SERPINB11: variants seen among roughly 807,000 people sequenced by gnomAD.
SERPINB11 encodes serpin B11.
Under a neutral mutation model 36.7 loss-of-function variants are expected in SERPINB11, and 32 were observed. The observed-to-expected ratio is 0.87, with a 90% CI of 0.66 to 1.17. The LOEUF (loss-of-function observed/expected upper bound fraction) is 1.17. Among genes scored for constraint, SERPINB11 ranks in the 50% most tolerant of loss-of-function variants. The probability of loss-of-function intolerance (pLI) is 0.00; values close to 1 mark genes in which losing one functional copy is unlikely to be tolerated. For missense variants in SERPINB11, 528 were observed against 458.4 expected, an observed-to-expected ratio of 1.15 and a Z score of -1.39; for synonymous variants, 174 against 168.1, an observed-to-expected ratio of 1.04 and a Z score of -0.27.
chr18:63,704,781 T>C (rs1914328228), intron 1 of SERPINB11, among the ~76,000 whole-genome samples: 1 of 152,210 alleles, frequency 6.6e-6, no homozygotes, highest in Non-Finnish European at 1.5e-5. Flanking sequence ...AATACACATA[T>C]AGTACTGGCA....
intron 1 of SERPINB11, 38 bp from the exon 2 acceptor site, chr18:63,710,141 A>G (rs543621878): frequency 2.3e-5 from 34 of 1,507,944 alleles, no homozygotes; most frequent in South Asian, 1.7e-4. Context: ...CTGTAACTTC[A>G]AGTGATGTTC....
chr18:63,720,171 T>G lies in SERPINB11; in HGVS notation c.618+16T>G. On this transcript the variant is annotated intron_variant, in intron 6 of 7. Coordinates refer to ENST00000544088, the MANE Select transcript of SERPINB11 (RefSeq NM_001370475.1). ...GCTAAGTGAGGTAAGTATTTTATTT[T>G]CAGACTCATGACAAATGTTGGAGGA... The G allele has an allele frequency of 1.9e-6, 3 of 1,584,984 alleles. No individual in the cohort carries two copies. The highest frequency in any genetic ancestry group is 2.6e-6 in the Non-Finnish European group (3 of 1,158,202).
chr18:63,717,302 G>A (rs1255582234), intron 5 of SERPINB11, among the ~76,000 whole-genome samples: 1 of 151,940 alleles, frequency 6.6e-6, no homozygotes, highest in Non-Finnish European at 1.5e-5. Context: ...GACATTTTTA[G>A]TTTGGATCTC....
intron 1 of SERPINB11, among the ~76,000 whole-genome samples, chr18:63,709,301 C>A (rs1914452060): frequency 6.6e-6 from 1 of 152,034 alleles, no homozygotes; most frequent in Non-Finnish European, 1.5e-5. Context: ...GGAATGAGGT[C>A]CCACTGAGGA....
chr18:63,713,881 A>T (rs186298112), intron 4 of SERPINB11, among the ~76,000 whole-genome samples: 1 of 152,292 alleles, frequency 6.6e-6, no homozygotes, highest in Non-Finnish European at 1.5e-5. Context: ...ATTGTCTTGA[A>T]CTATGTCATG....
intron 4 of SERPINB11, 63 bp downstream of exon 4, chr18:63,712,756 A>T: frequency 6.5e-7 from 1 of 1,549,750 alleles, no homozygotes; most frequent in Non-Finnish European, 8.9e-7. Context: ...CATACCCCAA[A>T]ATTGATGAAG....
At chr18:63,710,053 G>A (rs531989137) in intron 1 of SERPINB11, 126 bp from the exon 2 acceptor site, 3 of 618,380 alleles carry the variant, frequency 4.9e-6, no homozygotes, top group Non-Finnish European at 7.8e-6. Flanking sequence ...ATTGTGATAA[G>A]GGTATGTAGT....
chr18:63,719,893 T>C (rs1914758699), intron 5 of SERPINB11, 120 bp from the exon 6 acceptor site: 3 of 724,140 alleles, frequency 4.1e-6, no homozygotes, highest in East Asian at 5.9e-5. Context: ...GGAGTTCTTC[T>C]GGTATCTCAA....
At chr18:63,719,927 A>T (rs997505574) in intron 5 of SERPINB11, 86 bp from the exon 6 acceptor site, 15 of 1,100,460 alleles carry the variant, frequency 1.4e-5, no homozygotes, top group Non-Finnish European at 1.8e-5. Context: ...CTTAAAAAAG[A>T]AATGGCTCTA....
At chr18:63,714,200 C>A (rs533122426) in intron 4 of SERPINB11, among the ~76,000 whole-genome samples, 1 of 152,150 alleles carries the variant, frequency 6.6e-6, no homozygotes, top group Non-Finnish European at 1.5e-5. Context: ...CCCCCCAAGC[C>A]GCAAAACCAG....
At chr18:63,709,783 T>C (rs1214036832) in intron 1 of SERPINB11, among the ~76,000 whole-genome samples, 1 of 152,178 alleles carries the variant, frequency 6.6e-6, no homozygotes, top group Non-Finnish European at 1.5e-5. Flanking sequence ...ATATCTCGAC[T>C]GGCTGATCGT....
At chr18:63,715,000 G>A (rs1351665549) in intron 4 of SERPINB11, among the ~76,000 whole-genome samples, 1 of 152,122 alleles carries the variant, frequency 6.6e-6, no homozygotes, top group Non-Finnish European at 1.5e-5. Context: ...TTAATTTGAG[G>A]AACTAATAAA....
At chr18:63,718,890 A>G (rs1301567861) in intron 5 of SERPINB11, among the ~76,000 whole-genome samples, 1 of 151,980 alleles carries the variant, frequency 6.6e-6, no homozygotes, top group Non-Finnish European at 1.5e-5. Flanking sequence ...TACTTAGCAC[A>G]GTGGTGTAAA....
intron 3 of SERPINB11, 105 bp downstream of exon 3, chr18:63,711,499 A>C: frequency 1.2e-6 from 1 of 824,496 alleles, no homozygotes; most frequent in Non-Finnish European, 2.0e-6. Context: ...CCCATGAGGG[A>C]ACCAGCTATG....
chr18:63,720,781 C>A, intron 6 of SERPINB11, 50 bp from the exon 7 acceptor site: 2 of 1,330,934 alleles, frequency 1.5e-6, no homozygotes, highest in African/African-American at 1.5e-5. Flanking sequence ...AGTACACACA[C>A]ATGTGCACTC....
chr18:63,703,179 A>G (rs1461563148), intron 1 of SERPINB11, among the ~76,000 whole-genome samples, 173 bp downstream of exon 1: 1 of 152,220 alleles, frequency 6.6e-6, no homozygotes, highest in Non-Finnish European at 1.5e-5. Flanking sequence ...ATACATTAGC[A>G]TACTTGGATG....
chr18:63,712,734 T>C, intron 4 of SERPINB11, 41 bp downstream of exon 4: 7 of 1,595,586 alleles, frequency 4.4e-6, no homozygotes, highest in Non-Finnish European at 6.0e-6. Context: ...TTTCTTGGCG[T>C]CCTCTGAATT....
At chr18:63,708,999 G>A (rs1055135095) in intron 1 of SERPINB11, among the ~76,000 whole-genome samples, 2 of 152,188 alleles carry the variant, frequency 1.3e-5, no homozygotes, top group African/African-American at 4.8e-5. Context: ...GAAGAATGAC[G>A]TCTCCCTGAG....
In SERPINB11 at chr18:63,712,630, C is replaced by G. The variant is rs772579329; in HGVS notation, c.294C>G (p.Asp98Glu). The part of the protein sequence containing the change: ...GVEFSQINQP[D>E]SNCTLSIANR... The stretch of plus-strand genomic sequence containing the variant: ...AATTCTCTCAAATCAACCAGCCAGA[C>G]TCTAACTGTACCCTCAGCATTGCCA... The change falls in exon 4 of 8, where the codon GAC (aspartate) becomes GAG (glutamate). Residue 98 changes from aspartate (D) to glutamate (E), a missense_variant. Coordinates refer to ENST00000544088, the MANE Select transcript of SERPINB11 (RefSeq NM_001370475.1). 31 of 1,613,670 alleles carry G rather than the reference C, an allele frequency of 1.9e-5. No homozygotes were observed. The South Asian group carries it at 3.4e-4, about 18-fold the overall frequency.
Sources: allele counts gnomAD v4.1 joint callset (sites outside exome capture counted in the v4.1 genomes callset), GRCh38; gene constraint gnomAD v4.1.1; transcripts MANE v1.5; gene names NCBI Gene and HGNC (gene_info 2026-07-23, HGNC 2026-07-21).